Variants in PCDHGB5 observed in about 807,000 individuals in gnomAD.
The protein encoded by PCDHGB5 is protocadherin gamma-B5.
A neutral mutation model predicts 62.9 loss-of-function variants in PCDHGB5; 48 were observed. The observed-to-expected ratio is 0.76, with a 90% CI of 0.61 to 0.97. The LOEUF (loss-of-function observed/expected upper bound fraction) is 0.97, where lower values mean the gene tolerates loss of function less well. Ranked by LOEUF, PCDHGB5 falls within the 50% of genes least tolerant of loss-of-function variation. PCDHGB5 has a pLI of 0.00. For synonymous variants in PCDHGB5, 474 were observed against 511.2 expected, an observed-to-expected ratio of 0.93 and a Z score of 0.98; for missense variants, 1,118 against 1,198.6, an observed-to-expected ratio of 0.93 and a Z score of 0.99.
At chr5:141,492,527 G>A (rs1000672383) in intron 1 of PCDHGB5, among the ~76,000 whole-genome samples, 1 of 152,184 alleles carries the variant, frequency 6.6e-6, no homozygotes, top group African/African-American at 2.4e-5. Flanking sequence ...TCTCCCACCT[G>A]CGCCCCGGGC....
In PCDHGB5 at chr5:141,431,770, T is replaced by G. The variant is rs748816389; in HGVS notation, c.2397+31246T>G. The G allele has an allele frequency of 3.7e-6, 6 of 1,614,204 alleles. No homozygotes were observed. In the South Asian group the frequency reaches 6.6e-5, roughly 18 times the overall value. ...CGCGAGCCAAAGTCCTGATCACTGT[T>G]CTGGACGTGAACGACAATGCCCCAG... On this transcript the variant is annotated intron_variant, in intron 1 of 3. Coordinates refer to ENST00000617380, the MANE Select transcript of PCDHGB5 (RefSeq NM_018925.3). The surrounding 1 kb of genome is among the most constrained non-coding windows in gnomAD (Gnocchi z 4.8).
chr5:141,478,617 G>A (rs1010415342), intron 1 of PCDHGB5: 1 of 1,556,398 alleles, frequency 6.4e-7, no homozygotes, highest in Non-Finnish European at 8.7e-7. Context: ...AGGAAGGAAT[G>A]GAGCTGTTTT....
At chr5:141,414,947 T>C (rs1422289231) in intron 1 of PCDHGB5, 1 of 1,614,052 alleles carries the variant, frequency 6.2e-7, no homozygotes, top group Non-Finnish European at 8.5e-7. Context: ...CCCGGCTACC[T>C]GGTGACCAAG....
At chr5:141,437,887 G>A (rs1289693561) in intron 1 of PCDHGB5, among the ~76,000 whole-genome samples, 12 of 151,946 alleles carry the variant, frequency 7.9e-5, no homozygotes, top group Admixed American at 3.3e-4. Flanking sequence ...ACAGGCACAC[G>A]CCACCACACC....
chr5:141,415,461 T>G, intron 1 of PCDHGB5: 1 of 1,614,180 alleles, frequency 6.2e-7, no homozygotes, highest in African/African-American at 1.3e-5. Flanking sequence ...ACGAGGTCTC[T>G]CTCACCGCGG....
chr5:141,402,749 G>A (rs768250544), intron 1 of PCDHGB5, among the ~76,000 whole-genome samples: 4 of 152,152 alleles, frequency 2.6e-5, no homozygotes, highest in Non-Finnish European at 5.9e-5. Flanking sequence ...TCAACTCTAA[G>A]CGAAAATCAG....
chr5:141,485,003 A>G lies in PCDHGB5; in HGVS notation c.2398-9804A>G. On this transcript the variant is annotated intron_variant, in intron 1 of 3. Coordinates refer to ENST00000617380, the MANE Select transcript of PCDHGB5 (RefSeq NM_018925.3). The surrounding 1 kb of genome is among the most constrained non-coding windows in gnomAD (Gnocchi z 5.7). ...CAATCGGGTGGTGAAAGGCAGACAA[A>G]TCTACCCCGCCACCAGCAAAAACGG... 1 of 620,758 alleles carries G rather than the reference A, an allele frequency of 1.6e-6. No homozygotes were observed. The highest frequency in any genetic ancestry group is 2.0e-5 in the South Asian group (1 of 50,492). The allele number at this position is 620,758 out of a possible 1,614,324, so 38.5% of individuals were successfully genotyped here.
chr5:141,486,379 G>A lies in PCDHGB5; in HGVS notation c.2398-8428G>A. 2 of 1,614,094 alleles carry A rather than the reference G, an allele frequency of 1.2e-6. No individual in the cohort carries two copies. Among genetic ancestry groups the A allele is most frequent in the Non-Finnish European group, 1.7e-6 (2 of 1,180,000 alleles). ...CATTTGCCCTCAAGTCTGCCTTCAG[G>A]AACCAGTTCTCCCTGGTGACTGCTG... On this transcript the variant is annotated intron_variant, in intron 1 of 3. Transcript: ENST00000617380. The surrounding 1 kb of genome is among the most constrained non-coding windows in gnomAD (Gnocchi z 5.0).
intron 1 of PCDHGB5, among the ~76,000 whole-genome samples, chr5:141,468,797 C>T (rs191599825): frequency 0.01 from 1,525 of 151,876 alleles, 28 homozygotes; most frequent in African/African-American, 0.035. Flanking sequence ...ACCCGGGAGG[C>T]GGAACTTGCA....
intron 1 of PCDHGB5, among the ~76,000 whole-genome samples, chr5:141,438,598 AT>A (rs1433028092): frequency 6.7e-5 from 2 of 29,776 alleles, no homozygotes; most frequent in Non-Finnish European, 1.4e-4. Context: ...ATACATATAT[AT>A]ATATATATAT....
chr5:141,490,454 C>T lies in PCDHGB5; in HGVS notation c.2398-4353C>T. The T allele has an allele frequency of 3.1e-6, 5 of 1,614,176 alleles. No homozygotes were observed. The highest frequency in any genetic ancestry group is 4.2e-6 in the Non-Finnish European group (5 of 1,180,020). On this transcript the variant is annotated intron_variant, in intron 1 of 3. Transcript: ENST00000617380. The surrounding 1 kb of genome is among the most constrained non-coding windows in gnomAD (Gnocchi z 5.4). The stretch of plus-strand genomic sequence containing the variant: ...ATTAAGCCTTCTGAGAACCACTACT[C>T]GCTGCTAACCAGCCAGCCTTTGGAC...
chr5:141,505,546 C>T (rs555460173), intron 3 of PCDHGB5, 65 bp downstream of exon 3: 36 of 1,608,242 alleles, frequency 2.2e-5, no homozygotes, highest in South Asian at 7.7e-5. Context: ...CATCTCACAG[C>T]CACCATGCCC....
At chr5:141,466,095 C>T (rs1170423552) in intron 1 of PCDHGB5, among the ~76,000 whole-genome samples, 1 of 152,038 alleles carries the variant, frequency 6.6e-6, no homozygotes, top group African/African-American at 2.4e-5. Flanking sequence ...GCACTCCAGC[C>T]TGGGCAACAG....
In PCDHGB5 at chr5:141,505,438, T is replaced by C. The variant is rs149352680; in HGVS notation, c.2502T>C (p.Phe834=). The C allele has an allele frequency of 6.8e-6, 11 of 1,614,046 alleles. No homozygotes were observed. The African/African-American group carries it at 1.5e-4, about 22-fold the overall frequency. The stretch of plus-strand genomic sequence containing the variant: ...CCGGCACCTGGCCCAACAACCAGTT[T>C]GACACAGAGATGCTGCAAGCCATGA... ...DDTGTWPNNQ[F]DTEMLQAMIL... Residue 834 remains phenylalanine, a synonymous_variant, in exon 3 of 4, where the codon TTT becomes TTC. Transcript: ENST00000617380.
intron 1 of PCDHGB5, chr5:141,408,050 G>A: frequency 1.6e-6 from 2 of 1,259,544 alleles, no homozygotes; most frequent in Middle Eastern, 2.8e-4. Flanking sequence ...CCCACACAGA[G>A]CCTCCCGGCT....
At chr5:141,500,562 T>A (rs2099801387) in intron 2 of PCDHGB5, among the ~76,000 whole-genome samples, 1 of 152,202 alleles carries the variant, frequency 6.6e-6, no homozygotes, top group Admixed American at 6.5e-5. Flanking sequence ...CACAAACTTG[T>A]CACACTTTCA....
At position 141,431,784 on chromosome 5, in the gene PCDHGB5, A is replaced by G; in HGVS notation, c.2397+31260A>G. On this transcript the variant is annotated intron_variant, in intron 1 of 3. Coordinates refer to ENST00000617380, the MANE Select transcript of PCDHGB5 (RefSeq NM_018925.3). The surrounding 1 kb of genome is among the most constrained non-coding windows in gnomAD (Gnocchi z 4.8). ...CTGATCACTGTTCTGGACGTGAACG[A>G]CAATGCCCCAGAAGTGGTCCTCACC... 1 of 1,614,220 alleles carries G rather than the reference A, an allele frequency of 6.2e-7. No individual in the cohort carries two copies. Among genetic ancestry groups the G allele is most frequent in the Non-Finnish European group, 8.5e-7 (1 of 1,180,022 alleles).
intron 1 of PCDHGB5, chr5:141,410,406 C>A (rs1361000460): frequency 6.2e-7 from 1 of 1,614,050 alleles, no homozygotes; most frequent in Non-Finnish European, 8.5e-7. Flanking sequence ...TGTGTCAAGT[C>A]TGGACCTGTA....
At chr5:141,428,613 CAAGAT>C (rs1385471747) in intron 1 of PCDHGB5, 1 of 212,608 alleles carries the variant, frequency 4.7e-6, no homozygotes, top group African/African-American at 2.3e-5. Flanking sequence ...AAGAGAATAA[CAAGAT>C]AAGCTCTAAC....
Sources: allele counts gnomAD v4.1 joint callset (sites outside exome capture counted in the v4.1 genomes callset), GRCh38; gene constraint gnomAD v4.1.1; non-coding constraint Gnocchi (gnomAD v3.1); transcripts MANE v1.5; gene names NCBI Gene and HGNC (gene_info 2026-07-23, HGNC 2026-07-21).